Variants in MGAT4C observed in about 807,000 individuals in gnomAD.
MGAT4C encodes the protein MGAT4 family member C, also known as alpha-1,3-mannosyl-glycoprotein 4-beta-N-acetylglucosaminyltransferase C.
Under a neutral mutation model 40.1 loss-of-function variants are expected in MGAT4C, and 19 were observed. That is an observed-to-expected ratio of 0.47 (90% CI 0.33 to 0.70). The LOEUF (loss-of-function observed/expected upper bound fraction) is 0.70, where lower values mean the gene tolerates loss of function less well. MGAT4C is among the 30% of genes least tolerant of loss of function. MGAT4C has a pLI of 0.02. For missense variants in MGAT4C, 491 were observed against 563.2 expected (o/e 0.87, Z 1.30); for synonymous variants, 181 against 187.1 (o/e 0.97, Z 0.27).
intron 1 of MGAT4C, among the ~76,000 whole-genome samples, chr12:86,145,791 CAG>C (rs1031191994): frequency 3.9e-5 from 6 of 152,006 alleles, no homozygotes; most frequent in Non-Finnish European, 5.9e-5. Context: ...AAAGAAAGAA[CAG>C]AAAGATTTTG....
At chr12:86,766,823 G>A (rs973839439) in intron 1 of MGAT4C, among the ~76,000 whole-genome samples, 1 of 151,772 alleles carries the variant, frequency 6.6e-6, no homozygotes, top group Non-Finnish European at 1.5e-5. Flanking sequence ...AAACCAACGA[G>A]AACAAAGACA....
At chr12:86,311,167 T>A (rs1321819750) in intron 4 of MGAT4C, among the ~76,000 whole-genome samples, 1 of 152,136 alleles carries the variant, frequency 6.6e-6, no homozygotes, top group Non-Finnish European at 1.5e-5. Context: ...GGTGCAAACA[T>A]CCTATAGTGT....
intron 1 of MGAT4C, among the ~76,000 whole-genome samples, chr12:86,167,586 A>T (rs1487628407): frequency 6.6e-6 from 1 of 152,164 alleles, no homozygotes; most frequent in Admixed American, 6.5e-5. Context: ...TCTGGTGAGG[A>T]CCATCCCATA....
intron 2 of MGAT4C, among the ~76,000 whole-genome samples, chr12:86,021,982 T>TA (rs1397965040): frequency 6.6e-6 from 1 of 152,336 alleles, no homozygotes; most frequent in South Asian, 2.1e-4. Flanking sequence ...TACATTGAAG[T>TA]AAAATGCTCA....
intron 2 of MGAT4C, among the ~76,000 whole-genome samples, chr12:86,595,101 G>C (rs1961481171): frequency 6.6e-6 from 1 of 152,100 alleles, no homozygotes; most frequent in South Asian, 2.1e-4. Flanking sequence ...TGTTAAAATA[G>C]GTTCTAATTT....
intron 2 of MGAT4C, among the ~76,000 whole-genome samples, chr12:86,591,674 C>A (rs753507249): frequency 6.6e-6 from 1 of 151,510 alleles, no homozygotes; most frequent in Non-Finnish European, 1.5e-5. Context: ...AATATTTATA[C>A]CTTTAGTTCA....
chr12:86,676,281 A>G (rs1166301289), intron 2 of MGAT4C, among the ~76,000 whole-genome samples: 5 of 152,178 alleles, frequency 3.3e-5, no homozygotes, highest in African/African-American at 4.8e-5. Context: ...ACGCAGTTCA[A>G]TATGAGTGCC....
intron 3 of MGAT4C, among the ~76,000 whole-genome samples, chr12:86,386,256 G>A (rs1956049119): frequency 1.3e-5 from 2 of 152,186 alleles, no homozygotes; most frequent in African/African-American, 2.4e-5. Flanking sequence ...TCAAGGCACT[G>A]TGATAGTTCC....
chr12:86,281,363 C>T (rs1953214162), intron 4 of MGAT4C, among the ~76,000 whole-genome samples: 1 of 151,944 alleles, frequency 6.6e-6, no homozygotes, highest in African/African-American at 2.4e-5. Context: ...TTCCTCTCTC[C>T]ATCCCTCTCA....
chr12:86,619,082 A>G (rs1962555919), intron 2 of MGAT4C, among the ~76,000 whole-genome samples: 1 of 152,142 alleles, frequency 6.6e-6, no homozygotes, highest in Admixed American at 6.5e-5. Context: ...GAGATGACTT[A>G]ATGTACATGA....
At chr12:86,115,049 G>T (rs575472709) in intron 1 of MGAT4C, among the ~76,000 whole-genome samples, 1 of 152,014 alleles carries the variant, frequency 6.6e-6, no homozygotes, top group East Asian at 1.9e-4. Context: ...AAGACCTCAT[G>T]GATATTTTTG....
chr12:86,516,816 C>G (rs1958697927), intron 2 of MGAT4C, among the ~76,000 whole-genome samples: 1 of 152,014 alleles, frequency 6.6e-6, no homozygotes, highest in African/African-American at 2.4e-5. Context: ...TGCAAATTAG[C>G]ACAACAATGA....
intron 2 of MGAT4C, among the ~76,000 whole-genome samples, chr12:86,660,721 G>C (rs1386567177): frequency 6.6e-6 from 1 of 152,114 alleles, no homozygotes; most frequent in Non-Finnish European, 1.5e-5. Context: ...GCTTCTGTCA[G>C]TTAGGATGTT....
chr12:86,652,630 T>C (rs568500063), intron 2 of MGAT4C, among the ~76,000 whole-genome samples: 3 of 151,906 alleles, frequency 2.0e-5, no homozygotes, highest in Non-Finnish European at 4.4e-5. Flanking sequence ...TATTTGGCAC[T>C]ATTGTTGCTG....
chr12:86,759,620 TC>T (rs1311730910), intron 1 of MGAT4C, among the ~76,000 whole-genome samples: 1 of 152,120 alleles, frequency 6.6e-6, no homozygotes, highest in Non-Finnish European at 1.5e-5. Context: ...TGATTTGCAT[TC>T]CCCTGATGAT....
chr12:86,507,309 C>A (rs1384975182), intron 2 of MGAT4C, among the ~76,000 whole-genome samples: 1 of 152,104 alleles, frequency 6.6e-6, no homozygotes, highest in African/African-American at 2.4e-5. Flanking sequence ...GATACGTGCA[C>A]CTGCATGGGA....
chr12:86,493,731 G>C (rs1006974870), intron 2 of MGAT4C, among the ~76,000 whole-genome samples: 18 of 151,906 alleles, frequency 1.2e-4, no homozygotes, highest in African/African-American at 4.3e-4. Context: ...ACACCAGCAT[G>C]GCACATGTAT....
intron 2 of MGAT4C, among the ~76,000 whole-genome samples, chr12:86,578,531 G>C (rs1369885318): frequency 6.6e-6 from 1 of 151,672 alleles, no homozygotes; most frequent in East Asian, 1.9e-4. Flanking sequence ...TTTTATTACA[G>C]CTTTGACCTT....
intron 1 of MGAT4C, among the ~76,000 whole-genome samples, chr12:86,838,048 C>A (rs888524789): frequency 1.3e-5 from 2 of 152,142 alleles, no homozygotes; most frequent in Admixed American, 6.5e-5. Flanking sequence ...AATTTTGTAG[C>A]ATAATTAACT....
Sources: allele counts gnomAD v4.1 joint callset (sites outside exome capture counted in the v4.1 genomes callset), GRCh38; gene constraint gnomAD v4.1.1; transcripts MANE v1.5; gene names NCBI Gene and HGNC (gene_info 2026-07-23, HGNC 2026-07-21).